The following CHD9 variants were observed in gnomAD, a reference collection of about 807,000 sequenced individuals.
CHD9 encodes the protein chromodomain helicase DNA binding protein 9, also known as ATP-dependent chromatin remodeler CHD9.
CHD9 carries 77 observed loss-of-function variants against 316.1 expected under a neutral mutation model. The ratio of observed to expected loss-of-function variants is 0.24; its 90% CI spans 0.20 to 0.29. The LOEUF is 0.29. Ranked by LOEUF, CHD9 falls within the 10% of genes least tolerant of loss-of-function variation. The probability of loss-of-function intolerance (pLI) is 1.00; values close to 1 mark genes in which losing one functional copy is unlikely to be tolerated. For missense variants in CHD9, 2,763 were observed against 3,438.1 expected, an observed-to-expected ratio of 0.80 and a Z score of 4.91; for synonymous variants, 1,129 against 1,158.3, an observed-to-expected ratio of 0.97 and a Z score of 0.51.
At chr16:53,162,784 T>A (rs77862259) in intron 2 of CHD9, among the ~76,000 whole-genome samples, 116 of 126,468 alleles carry the variant, frequency 9.2e-4, no homozygotes, top group African/African-American at 3.7e-3. Flanking sequence ...CATATAAGCC[T>A]TTTTTTTTTT....
chr16:53,146,028 A>G (rs2040546148), intron 1 of CHD9, among the ~76,000 whole-genome samples: 1 of 151,904 alleles, frequency 6.6e-6, no homozygotes, highest in Admixed American at 6.6e-5. Context: ...ATATTCATCG[A>G]AATGACAGTA....
At chr16:53,057,003 A>C (rs917484187) in intron 1 of CHD9, among the ~76,000 whole-genome samples, 4 of 152,094 alleles carry the variant, frequency 2.6e-5, no homozygotes, top group African/African-American at 9.7e-5. Context: ...TACACATTGA[A>C]TAATTCTTAA....
chr16:53,233,327 C>T (rs1160469646), intron 10 of CHD9, among the ~76,000 whole-genome samples: 1 of 152,164 alleles, frequency 6.6e-6, no homozygotes, highest in Admixed American at 6.6e-5. Flanking sequence ...TTAAAGGATA[C>T]AAACAAACAG....
At chr16:53,285,557 T>C in intron 24 of CHD9, 39 bp from the exon 25 acceptor site, 1 of 1,370,148 alleles carries the variant, frequency 7.3e-7, no homozygotes, top group South Asian at 1.3e-5. Context: ...TTGACTCATT[T>C]ATAATAATTC....
At chr16:53,232,783 A>T (rs2048290319) in intron 10 of CHD9, among the ~76,000 whole-genome samples, 1 of 146,386 alleles carries the variant, frequency 6.8e-6, no homozygotes, top group South Asian at 2.2e-4. Context: ...GCTATCACTT[A>T]AAAAATGTTT....
chr16:53,150,602 A>T (rs1254991506), intron 1 of CHD9, among the ~76,000 whole-genome samples: 1 of 152,038 alleles, frequency 6.6e-6, no homozygotes, highest in Non-Finnish European at 1.5e-5. Context: ...GCTTCAAGAT[A>T]CTCTCTAGTG....
At chr16:53,246,363 T>A (rs942142333) in intron 15 of CHD9, among the ~76,000 whole-genome samples, 1 of 152,208 alleles carries the variant, frequency 6.6e-6, no homozygotes, top group Non-Finnish European at 1.5e-5. Context: ...AGTACTCTCT[T>A]ATGGCTAGAC....
chr16:53,201,326 A>T (rs1225662164), intron 2 of CHD9, among the ~76,000 whole-genome samples: 1 of 152,258 alleles, frequency 6.6e-6, no homozygotes, highest in East Asian at 1.9e-4. Flanking sequence ...ATTTGTTTTT[A>T]GATCATGTAT....
Position 53,263,059 on chromosome 16 carries a change from A to G in CHD9, c.4282A>G (p.Lys1428Glu). Residue 1428 changes from lysine (K) to glutamate (E), a missense_variant, in exon 20 of 39, where the codon AAA becomes GAA. Lys to Glu is a moderately conservative substitution (Grantham distance 56). Transcript: ENST00000447540. ...TCCCAACTTCTGGCAAAAATGGGCT[A>G]AAAAGGCAGAAATAGATATAGAGGC... is the stretch of plus-strand genomic sequence containing the variant. ...DDPNFWQKWA[K>E]KAEIDIEAIS... is the part of the protein sequence containing the mutation. The G allele has an allele frequency of 6.2e-7, 1 of 1,612,670 alleles. No individual in the cohort carries two copies. The highest frequency in any genetic ancestry group is 8.5e-7 in the Non-Finnish European group (1 of 1,179,014).
chr16:53,218,042 A>G (rs546962123), intron 3 of CHD9, among the ~76,000 whole-genome samples: 1 of 151,992 alleles, frequency 6.6e-6, no homozygotes, highest in Non-Finnish European at 1.5e-5. Context: ...TGTATCAGTC[A>G]AAAATGATTT....
At chr16:53,250,388 A>C in intron 17 of CHD9, 1 of 206,346 alleles carries the variant, frequency 4.8e-6, no homozygotes, top group South Asian at 7.9e-5. Context: ...CTGGTCTTGA[A>C]CCCCAGGACT....
chr16:53,203,027 A>G, intron 2 of CHD9, among the ~76,000 whole-genome samples: 1 of 152,326 alleles, frequency 6.6e-6, no homozygotes, highest in Admixed American at 6.5e-5. Context: ...ATTTATTGAT[A>G]GTTTGAAGAA....
chr16:53,175,778 G>A (rs1355587572), intron 2 of CHD9, among the ~76,000 whole-genome samples: 1 of 152,188 alleles, frequency 6.6e-6, no homozygotes, highest in East Asian at 1.9e-4. Flanking sequence ...TTATACTCAA[G>A]TTCATGGCTT....
intron 22 of CHD9, among the ~76,000 whole-genome samples, chr16:53,270,922 G>A (rs1408860512): frequency 6.6e-6 from 1 of 152,140 alleles, no homozygotes; most frequent in Non-Finnish European, 1.5e-5. Context: ...TCAGTTCCAT[G>A]TAGCCAGGAT....
At chr16:53,122,711 A>G (rs1333529985) in intron 1 of CHD9, among the ~76,000 whole-genome samples, 1 of 150,690 alleles carries the variant, frequency 6.6e-6, no homozygotes, top group Non-Finnish European at 1.5e-5. Context: ...CACCCAGCTA[A>G]TTTTTATTTT....
At chr16:53,315,594 T>C (rs1229701922) in intron 36 of CHD9, among the ~76,000 whole-genome samples, 1 of 152,102 alleles carries the variant, frequency 6.6e-6, no homozygotes, top group East Asian at 1.9e-4. Context: ...TTCTCCCACC[T>C]CAGTCTCCTG....
chr16:53,194,437 A>G (rs1428810500), intron 2 of CHD9, among the ~76,000 whole-genome samples: 1 of 152,044 alleles, frequency 6.6e-6, no homozygotes, highest in Non-Finnish European at 1.5e-5. Flanking sequence ...ATCCAGGCAT[A>G]GTGACGCAGG....
At chr16:53,310,718 G>A (rs1274947994) in intron 34 of CHD9, 1 of 151,408 alleles carries the variant, frequency 6.6e-6, no homozygotes, top group Non-Finnish European at 1.5e-5. Flanking sequence ...TAGCGTGGTG[G>A]CGCGTGCCCA....
At chr16:53,097,288 T>C (rs548389972) in intron 1 of CHD9, among the ~76,000 whole-genome samples, 2 of 152,314 alleles carry the variant, frequency 1.3e-5, no homozygotes, top group Admixed American at 1.3e-4. Context: ...GTGAGAGATA[T>C]CTAACTCACA....
Sources: gnomAD v4.1 joint callset for allele counts (sites outside exome capture counted in the v4.1 genomes callset) on GRCh38, gnomAD v4.1.1 for gene constraint, MANE v1.5 for transcripts, NCBI Gene and HGNC (gene_info 2026-07-23, HGNC 2026-07-21) for gene names.